The following CYFIP2 variants were observed in gnomAD, a reference collection of about 807,000 sequenced individuals.
CYFIP2 encodes the protein cytoplasmic FMR1 interacting protein 2.
A neutral mutation model predicts 158.7 loss-of-function variants in CYFIP2; 29 were observed. The observed-to-expected ratio is 0.18, with a 90% confidence interval of 0.14 to 0.25. The LOEUF is 0.25. Among genes scored for constraint, CYFIP2 ranks in the 10% least tolerant of loss-of-function variants. The pLI is 1.00. For synonymous variants in CYFIP2, 585 were observed against 617.6 expected (o/e 0.95, Z 0.78); for missense variants, 852 against 1,639.5 (o/e 0.52, Z 8.29).
chr5:157,295,906 G>A (rs552932617), intron 4 of CYFIP2, among the ~76,000 whole-genome samples: 67 of 152,336 alleles, frequency 4.4e-4, no homozygotes, highest in African/African-American at 1.6e-3. Context: ...TGTGCACACT[G>A]GTGAAAACTG....
Position 157,394,387 on chromosome 5 carries a change from T to G in CYFIP2, c.*1387T>G, listed in dbSNP as rs1334661579. 1 of 152,206 alleles carries G rather than the reference T, an allele frequency of 6.6e-6. No individual in the cohort carries two copies. Among genetic ancestry groups the G allele is most frequent in the Non-Finnish European group, 1.5e-5 (1 of 68,046 alleles). The allele number at this position is 152,206 out of a possible 1,614,324, so 9.4% of individuals were successfully genotyped here. A position where few individuals can be genotyped will look rare whatever the true frequency, so the allele number is the denominator to read the frequency against. The stretch of plus-strand genomic sequence containing the variant: ...ATTTCTCCAGCCCAGGGAAGTAAGA[T>G]GGTTAGCAATGGTTGCCTTAATCAA... On this transcript the variant is annotated 3_prime_UTR_variant, in exon 31 of 31. Coordinates refer to ENST00000620254, the MANE Select transcript of CYFIP2 (RefSeq NM_001037333.3).
chr5:157,352,991 C>T (rs1763171664), intron 23 of CYFIP2, among the ~76,000 whole-genome samples: 2 of 152,170 alleles, frequency 1.3e-5, no homozygotes, highest in Admixed American at 6.5e-5. Context: ...GCTGAAGAGA[C>T]GGGAAACAGA....
At chr5:157,389,732 A>G in intron 29 of CYFIP2, 1 of 238,512 alleles carries the variant, frequency 4.2e-6, no homozygotes, top group Non-Finnish European at 8.1e-6. Flanking sequence ...CTACATGTCT[A>G]GGACAGAGTG....
At chr5:157,326,307 T>C in intron 18 of CYFIP2, 40 bp downstream of exon 18, 1 of 1,552,006 alleles carries the variant, frequency 6.4e-7, no homozygotes, top group Non-Finnish European at 8.9e-7. Flanking sequence ...TTAATCTTGT[T>C]CCAAATTCCG....
intron 12 of CYFIP2, 60 bp downstream of exon 12, chr5:157,314,523 A>C: frequency 6.3e-7 from 1 of 1,579,910 alleles, no homozygotes; most frequent in African/African-American, 1.4e-5. Flanking sequence ...ATCTGCCTCC[A>C]TCTCCCCCTA....
intron 26 of CYFIP2, chr5:157,376,186 A>G (rs1336492868): frequency 6.6e-6 from 1 of 152,210 alleles, no homozygotes; most frequent in African/African-American, 2.4e-5. Flanking sequence ...TATTCAACAC[A>G]CATTTTATCA....
At chr5:157,298,248 A>G (rs1439396533) in intron 5 of CYFIP2, among the ~76,000 whole-genome samples, 1 of 152,254 alleles carries the variant, frequency 6.6e-6, no homozygotes, top group African/African-American at 2.4e-5. Flanking sequence ...AACATATACC[A>G]TATAATTTGC....
At chr5:157,287,499 T>C (rs1217546270) in intron 3 of CYFIP2, among the ~76,000 whole-genome samples, 1 of 152,248 alleles carries the variant, frequency 6.6e-6, no homozygotes, top group Non-Finnish European at 1.5e-5. Context: ...GCTTTGGTTT[T>C]GGAATAACAG....
At position 157,389,412 on chromosome 5, in the gene CYFIP2, A is replaced by G; in HGVS notation, c.3431A>G (p.Asn1144Ser). 6.3e-7 allele frequency: 1 copy of G among 1,598,016 alleles called. No homozygotes were observed. Among genetic ancestry groups the G allele is most frequent in the Non-Finnish European group, 8.6e-7 (1 of 1,169,192 alleles). The change falls in exon 29 of 31, where the codon AAC becomes AGC. Residue 1144 changes from asparagine to serine, a missense_variant. By Grantham distance (46) the Asn-to-Ser change is conservative. Around this residue, in one of 8 missense-constraint regions of CYFIP2, gnomAD observed 223 missense variants for 381.6 expected, o/e 0.58. Coordinates refer to ENST00000620254, the MANE Select transcript of CYFIP2 (RefSeq NM_001037333.3). ...GTGTACTGCATCCCTGTGGGAACCA[A>G]CGAGTTCACAGCTGAGTGAGTACCC... ...QFVYCIPVGT[N>S]EFTAEQCFGD... is the part of the protein sequence containing the mutation.
At chr5:157,277,735 T>C (rs1398701889) in intron 1 of CYFIP2, among the ~76,000 whole-genome samples, 1 of 152,216 alleles carries the variant, frequency 6.6e-6, no homozygotes, top group Non-Finnish European at 1.5e-5. Flanking sequence ...GTCTGTGGAC[T>C]TAGTGGAAAA....
intron 18 of CYFIP2, among the ~76,000 whole-genome samples, 177 bp downstream of exon 18, chr5:157,326,444 A>C (rs541789432): frequency 6.6e-6 from 1 of 152,344 alleles, no homozygotes; most frequent in East Asian, 1.9e-4. Context: ...ACAAACTGAG[A>C]CACCCAGCTC....
intron 11 of CYFIP2, among the ~76,000 whole-genome samples, chr5:157,313,408 C>T (rs774213445): frequency 2.0e-5 from 3 of 152,164 alleles, no homozygotes; most frequent in Admixed American, 6.5e-5. Context: ...CACAGAGGAA[C>T]GCTATATAGC....
Position 157,339,091 on chromosome 5 carries a change from C to T in CYFIP2, c.2420C>T (p.Thr807Met), listed in dbSNP as rs758052022. 9 of 1,613,164 alleles carry T rather than the reference C, an allele frequency of 5.6e-6. No homozygotes were observed. The highest frequency in any genetic ancestry group is 1.1e-5 in the South Asian group (1 of 90,932). The stretch of plus-strand genomic sequence containing the variant: ...TGGCTGCTGGAGATTAACCGGCTCA[C>T]GCATCGGCTGCTCTGTAAGCATATG... ...LEWLLEINRL[T>M]HRLLCKHMTL... is the part of the protein sequence containing the mutation. Residue 807 changes from threonine to methionine, a missense_variant, in exon 22 of 31, where the codon ACG (threonine) becomes ATG (methionine). Physicochemically the swap from Thr to Met is moderately conservative, Grantham distance 81. This residue lies in a region of CYFIP2 where 191 missense variants were observed against 311.2 expected (regional missense o/e 0.61). Transcript: ENST00000620254.
intron 1 of CYFIP2, among the ~76,000 whole-genome samples, chr5:157,272,112 G>A (rs943994566): frequency 3.9e-5 from 6 of 152,234 alleles, no homozygotes; most frequent in South Asian, 2.1e-4. Context: ...AATGGCAAAC[G>A]AAGGGGAAAG....
At chr5:157,304,634 C>T in intron 8 of CYFIP2, 1 of 248,510 alleles carries the variant, frequency 4.0e-6, no homozygotes, top group South Asian at 1.5e-4. Flanking sequence ...TGTAACATAT[C>T]CCCTGTGGTT....
intron 23 of CYFIP2, among the ~76,000 whole-genome samples, chr5:157,357,078 A>G (rs1373188352): frequency 3.3e-5 from 5 of 152,168 alleles, no homozygotes; most frequent in Non-Finnish European, 5.9e-5. Flanking sequence ...AGTGTCATGT[A>G]CAAAATTTTG....
intron 13 of CYFIP2, among the ~76,000 whole-genome samples, chr5:157,317,794 C>G (rs547488563): frequency 1.3e-5 from 2 of 152,312 alleles, no homozygotes; most frequent in African/African-American, 4.8e-5. Flanking sequence ...AACCTACCAA[C>G]AAAATGTAAA....
At chr5:157,386,260 C>T (rs1291823066) in intron 28 of CYFIP2, among the ~76,000 whole-genome samples, 4 of 152,062 alleles carry the variant, frequency 2.6e-5, no homozygotes, top group Non-Finnish European at 4.4e-5. Flanking sequence ...GCCTGTCACC[C>T]AAGCTGGAGT....
At position 157,393,849 on chromosome 5, in the gene CYFIP2, ATTAGCCAG is replaced by A. The variant is rs1164519760; in HGVS notation, c.*851_*858del. On this transcript the variant is annotated 3_prime_UTR_variant, in exon 31 of 31. Coordinates refer to ENST00000620254, the MANE Select transcript of CYFIP2 (RefSeq NM_001037333.3). ...AATCAGTCATAGCACTGCCTATAGC[ATTAGCCAG>A]TGACCAAATTAGGGACAACGTCTTG... The A allele has an allele frequency of 4.6e-5, 7 of 152,232 alleles. No homozygotes were observed. The highest frequency in any genetic ancestry group is 4.6e-4 in the Admixed American group (7 of 15,272). The allele number at this position is 152,232 out of a possible 1,614,324, so 9.4% of individuals were successfully genotyped here.
Sources: allele counts gnomAD v4.1 joint callset (sites outside exome capture counted in the v4.1 genomes callset), GRCh38; gene constraint gnomAD v4.1.1; regional missense constraint gnomAD v4.1.1; transcripts MANE v1.5; gene names NCBI Gene and HGNC (gene_info 2026-07-23, HGNC 2026-07-21).